Variants in NPAS2 observed in about 807,000 individuals in gnomAD.
NPAS2 encodes neuronal PAS domain-containing protein 2.
In NPAS2, 23 loss-of-function variants were observed where a neutral mutation model predicts 107.5. The ratio of observed to expected loss-of-function variants is 0.21; its 90% confidence interval spans 0.15 to 0.30. NPAS2 has a LOEUF of 0.30. Ranked by LOEUF, NPAS2 falls within the 10% of genes least tolerant of loss-of-function variation. NPAS2 has a pLI of 1.00. For synonymous variants in NPAS2, 403 were observed against 417.5 expected (o/e 0.97, Z 0.42); for missense variants, 756 against 1,043.3 (o/e 0.72, Z 3.79).
At chr2:100,861,926 A>G (rs1678966628) in intron 1 of NPAS2, among the ~76,000 whole-genome samples, 1 of 152,208 alleles carries the variant, frequency 6.6e-6, no homozygotes. Flanking sequence ...GTCAACAGGA[A>G]TTGTCACTTT....
intron 1 of NPAS2, among the ~76,000 whole-genome samples, chr2:100,859,265 A>C (rs1262642085): frequency 6.6e-6 from 1 of 152,154 alleles, no homozygotes. Flanking sequence ...TCCATCTCAA[A>C]AAAAATAGCA....
intron 1 of NPAS2, among the ~76,000 whole-genome samples, chr2:100,886,243 G>T (rs528721501): frequency 6.6e-6 from 1 of 152,174 alleles, no homozygotes; most frequent in Admixed American, 6.5e-5. Context: ...CACATTTAAA[G>T]TATGATTCAC....
chr2:100,916,091 A>C (rs918317605), intron 2 of NPAS2, among the ~76,000 whole-genome samples: 1 of 152,180 alleles, frequency 6.6e-6, no homozygotes, highest in African/African-American at 2.4e-5. Flanking sequence ...CATACAAAGA[A>C]ATATGGAGGG....
rs756602025 is a variant in NPAS2, at chr2:100,937,886, G to T, written c.363+44G>T. On this transcript the variant is annotated intron_variant, in intron 5 of 20. Coordinates refer to ENST00000335681, the MANE Select transcript of NPAS2 (RefSeq NM_002518.4). ...GGCCTTTACCGGTTCACGTTACCATGTTTCTGTTGAGAATCATTAGATCTC... is the reference window on the plus strand; with the variant it reads ...GGCCTTTACCGGTTCACGTTACCATTTTTCTGTTGAGAATCATTAGATCTC... 22 of 1,404,068 alleles carry T rather than the reference G, an allele frequency of 1.6e-5. 1 individual carries two copies. In the South Asian group the frequency reaches 2.5e-4, roughly 16 times the overall value. 87.0% of individuals were successfully genotyped at this position (1,404,068 alleles called of 1,614,324 possible). A position where few individuals can be genotyped will look rare whatever the true frequency, so the allele number is the denominator to read the frequency against.
chr2:100,876,571 C>T (rs1173724411), intron 1 of NPAS2, among the ~76,000 whole-genome samples: 1 of 152,178 alleles, frequency 6.6e-6, no homozygotes, highest in Middle Eastern at 3.2e-3. Flanking sequence ...TATTTGGAGA[C>T]TATAGCCTTA....
intron 7 of NPAS2, among the ~76,000 whole-genome samples, chr2:100,961,733 C>G (rs1675927537): frequency 6.6e-6 from 1 of 152,214 alleles, no homozygotes; most frequent in Non-Finnish European, 1.5e-5. Context: ...CAATCTTTTT[C>G]TGTCCCCTTC....
chr2:100,926,566 T>C (rs1056305734), intron 3 of NPAS2, among the ~76,000 whole-genome samples: 1 of 152,224 alleles, frequency 6.6e-6, no homozygotes, highest in Admixed American at 6.5e-5. Flanking sequence ...GATCTTTTCA[T>C]GTACTTATTG....
chr2:100,819,130 G>T (rs1335817923), upstream of NPAS2, among the ~76,000 whole-genome samples: 1 of 150,542 alleles, frequency 6.6e-6, no homozygotes, highest in Non-Finnish European at 1.5e-5. This position sits in a 1 kb window ranked among gnomAD's most constrained non-coding sequence, Gnocchi z 5.8. Flanking sequence ...TTGGATTCTC[G>T]CCTGTCTCCT....
At chr2:100,819,357 C>T (rs1173377766), upstream of NPAS2, among the ~76,000 whole-genome samples, 1 of 152,092 alleles carries the variant, frequency 6.6e-6, no homozygotes, top group Non-Finnish European at 1.5e-5. The surrounding 1 kb of genome is among the most constrained non-coding windows in gnomAD (Gnocchi z 5.8). Flanking sequence ...CCATCCTTGA[C>T]CCATTTTCCG....
intron 5 of NPAS2, among the ~76,000 whole-genome samples, chr2:100,943,978 A>C (rs1674736046): frequency 6.6e-6 from 1 of 152,206 alleles, no homozygotes; most frequent in African/African-American, 2.4e-5. Context: ...CATTTTGATG[A>C]ACAGAGATTC....
intron 5 of NPAS2, among the ~76,000 whole-genome samples, chr2:100,945,391 T>C (rs10170955): frequency 0.056 from 8,457 of 152,268 alleles, 760 homozygotes; most frequent in African/African-American, 0.19. Flanking sequence ...TGGACTACGA[T>C]ATTGATGAGT....
intron 19 of NPAS2, 43 bp downstream of exon 19, chr2:100,990,915 A>C (rs1458444425): frequency 6.4e-7 from 1 of 1,560,986 alleles, no homozygotes; most frequent in Non-Finnish European, 8.8e-7. Context: ...GCGCTGGTGG[A>C]ATGGTTCCAG....
intron 1 of NPAS2, among the ~76,000 whole-genome samples, chr2:100,842,423 C>T (rs1304762469): frequency 6.6e-6 from 1 of 152,054 alleles, no homozygotes; most frequent in East Asian, 1.9e-4. Context: ...AGTCTGCGCC[C>T]ACATAGAAAG....
chr2:100,871,433 C>T (rs1169739215), intron 1 of NPAS2, among the ~76,000 whole-genome samples: 2 of 151,172 alleles, frequency 1.3e-5, no homozygotes, highest in African/African-American at 2.4e-5. Flanking sequence ...CAGATTCAAG[C>T]GATTCTTGCA....
Position 100,965,307 on chromosome 2 carries a change from T to C in NPAS2, c.801-353T>C, listed in dbSNP as rs1676151492. Among the ~76,000 whole-genome samples the C allele has an allele frequency of 6.6e-6, 1 of 152,202 alleles. No homozygotes were observed. The highest frequency in any genetic ancestry group is 2.4e-5 in the African/African-American group (1 of 41,456). On this transcript the variant is annotated intron_variant, in intron 9 of 20. Coordinates refer to ENST00000335681, the MANE Select transcript of NPAS2 (RefSeq NM_002518.4). This position sits in a 1 kb window ranked among gnomAD's most constrained non-coding sequence, Gnocchi z 4.3. The stretch of plus-strand genomic sequence containing the variant: ...ATCTTTACTGTTTCTTTTGTAACAT[T>C]ATTTGCAGTTGAAGAACTCCAAATC...
At chr2:100,958,921 G>A (rs1675741030) in intron 7 of NPAS2, among the ~76,000 whole-genome samples, 2 of 151,984 alleles carry the variant, frequency 1.3e-5, no homozygotes, top group Admixed American at 6.6e-5. Context: ...AGAAATATTT[G>A]AGTAAGACAT....
rs77320079 is a variant in NPAS2 at position 100,963,882 on chromosome 2, T to A, written c.599-176T>A. 7.5e-4 allele frequency among the ~76,000 whole-genome samples: 114 copies of A among 152,338 alleles called. No individual in the cohort carries two copies. The East Asian group carries it at 0.021, about 27-fold the overall frequency. ...TCCCTCTGTTCCTCGGTTTCCTCTT[T>A]TTGCAATGGGAATAATAGTTGACCT... is the stretch of plus-strand genomic sequence containing the variant. On this transcript the variant is annotated intron_variant, in intron 7 of 20. Coordinates refer to ENST00000335681, the MANE Select transcript of NPAS2 (RefSeq NM_002518.4).
chr2:100,846,259 T>C (rs974536103), intron 1 of NPAS2, among the ~76,000 whole-genome samples: 5 of 152,270 alleles, frequency 3.3e-5, no homozygotes, highest in African/African-American at 1.2e-4. Context: ...TCTTTTATTT[T>C]GCTAGAAGAT....
intron 2 of NPAS2, among the ~76,000 whole-genome samples, chr2:100,922,014 CA>C (rs1683257633): frequency 6.6e-6 from 1 of 152,148 alleles, no homozygotes; most frequent in Non-Finnish European, 1.5e-5. Flanking sequence ...TGATGCAACT[CA>C]AAAATGTCAT....
Sources: gnomAD v4.1 joint callset for allele counts (sites outside exome capture counted in the v4.1 genomes callset) on GRCh38, gnomAD v4.1.1 for gene constraint, Gnocchi (gnomAD v3.1) non-coding constraint, MANE v1.5 for transcripts, NCBI Gene and HGNC (gene_info 2026-07-23, HGNC 2026-07-21) for gene names.